The following ATRN variants were observed in gnomAD, a reference collection of about 807,000 sequenced individuals.
ATRN encodes the protein attractin-2.
In ATRN, 54 loss-of-function variants were observed where a neutral mutation model predicts 178.7. The ratio of observed to expected loss-of-function variants is 0.30; its 90% confidence interval spans 0.24 to 0.38. The LOEUF (loss-of-function observed/expected upper bound fraction) is 0.38. Ranked by LOEUF, ATRN falls within the 10% of genes least tolerant of loss-of-function variation. The pLI is 1.00. For synonymous variants in ATRN, 636 were observed against 663.0 expected (o/e 0.96, Z 0.63); for missense variants, 1,443 against 1,815.1 (o/e 0.79, Z 3.73).
At chr20:3,613,433 A>G (rs1423550686) in intron 24 of ATRN, among the ~76,000 whole-genome samples, 6 of 152,028 alleles carry the variant, frequency 3.9e-5, no homozygotes, top group East Asian at 1.9e-4. Context: ...TAAATACATC[A>G]TGTTCTCAAC....
Position 3,628,126 on chromosome 20 carries a change from C to T in ATRN, c.3863+3554C>T, listed in dbSNP as rs555151398. ...GGCAGAGCTTGCTGTGAGCCGAGAT[C>T]GCGCCACTGCACTCCAACCTGGGCA... On this transcript the variant is annotated intron_variant, in intron 25 of 28. Coordinates refer to ENST00000262919, the MANE Select transcript of ATRN (RefSeq NM_139321.3). Among the ~76,000 whole-genome samples, 175 of 152,226 alleles carry T rather than the reference C, an allele frequency of 1.1e-3. 2 individuals carry two copies. The Middle Eastern group carries it at 0.017, about 15-fold the overall frequency.
At chr20:3,611,755 A>G (rs1384182304) in intron 24 of ATRN, among the ~76,000 whole-genome samples, 1 of 152,186 alleles carries the variant, frequency 6.6e-6, no homozygotes, top group African/African-American at 2.4e-5. Flanking sequence ...ATAAAAATAA[A>G]ATAACCATTA....
intron 6 of ATRN, among the ~76,000 whole-genome samples, chr20:3,553,020 A>G (rs926809105): frequency 8.5e-5 from 13 of 152,172 alleles, no homozygotes; most frequent in Admixed American, 1.3e-4. Context: ...CTCCTAGGGG[A>G]GGGGATTGTA....
In ATRN at chr20:3,544,462, G is replaced by T. The variant is rs368844856; in HGVS notation, c.609-1300G>T. On this transcript the variant is annotated intron_variant, in intron 3 of 28. Transcript: ENST00000262919. ...AGGTTGTGTGTCTGGGACAGATTGC[G>T]TAGGGCCTGGCAAGGATATAGGCTT... 1.1e-4 allele frequency among the ~76,000 whole-genome samples: 17 copies of T among 152,222 alleles called. No homozygotes were observed. The East Asian group carries it at 2.3e-3, about 21-fold the overall frequency.
At chr20:3,538,064 G>T (rs542077825) in intron 2 of ATRN, among the ~76,000 whole-genome samples, 8 of 147,202 alleles carry the variant, frequency 5.4e-5, no homozygotes, top group African/African-American at 2.0e-4. Context: ...CCACTAACTC[G>T]TCATCTAGCA....
At chr20:3,615,502 CAA>C (rs1279855761) in intron 24 of ATRN, among the ~76,000 whole-genome samples, 1 of 150,684 alleles carries the variant, frequency 6.6e-6, no homozygotes, top group Non-Finnish European at 1.5e-5. Flanking sequence ...TAGTTTGAAA[CAA>C]AGAAAGACAC....
intron 19 of ATRN, among the ~76,000 whole-genome samples, chr20:3,593,278 A>G (rs1490182538): frequency 3.9e-5 from 6 of 152,308 alleles, no homozygotes; most frequent in Non-Finnish European, 5.9e-5. Context: ...CACGGTAGAA[A>G]GCGTGGTGTT....
At chr20:3,514,632 T>C (rs990166483) in intron 1 of ATRN, among the ~76,000 whole-genome samples, 5 of 152,234 alleles carry the variant, frequency 3.3e-5, no homozygotes, top group Non-Finnish European at 7.3e-5. Context: ...TTCAATACGT[T>C]AATGATAAAA....
chr20:3,473,825 A>G (rs1221411532), intron 1 of ATRN, among the ~76,000 whole-genome samples: 1 of 152,178 alleles, frequency 6.6e-6, no homozygotes, highest in East Asian at 1.9e-4. Context: ...GGGGGCAGCT[A>G]GGTGGGATCT....
intron 11 of ATRN, among the ~76,000 whole-genome samples, chr20:3,567,081 A>G (rs1184998053): frequency 1.3e-5 from 2 of 152,196 alleles, no homozygotes; most frequent in Admixed American, 1.3e-4. Context: ...TTTGACAGCT[A>G]GAGACTAAAA....
At chr20:3,512,952 G>A (rs1364101954) in intron 1 of ATRN, among the ~76,000 whole-genome samples, 5 of 152,090 alleles carry the variant, frequency 3.3e-5, no homozygotes, top group Non-Finnish European at 4.4e-5. Context: ...TTTTGATGGG[G>A]TTGTTTGTTT....
At chr20:3,489,172 G>A (rs1420205277) in intron 1 of ATRN, among the ~76,000 whole-genome samples, 2 of 152,166 alleles carry the variant, frequency 1.3e-5, no homozygotes, top group African/African-American at 4.8e-5. Flanking sequence ...TGTTGGCCAG[G>A]TTGGTCTTGA....
At chr20:3,503,703 A>G (rs2084995372) in intron 1 of ATRN, among the ~76,000 whole-genome samples, 1 of 152,164 alleles carries the variant, frequency 6.6e-6, no homozygotes, top group Non-Finnish European at 1.5e-5. Context: ...AACTGCAAAA[A>G]AAATGACTTG....
intron 24 of ATRN, among the ~76,000 whole-genome samples, chr20:3,617,539 C>G (rs62206515): frequency 9.5e-4 from 145 of 152,204 alleles, no homozygotes; most frequent in Non-Finnish European, 1.7e-3. Context: ...GAAAAAGAAG[C>G]TGAGCATGGT....
chr20:3,570,708 A>G (rs1206103907), intron 11 of ATRN, among the ~76,000 whole-genome samples: 2 of 152,200 alleles, frequency 1.3e-5, no homozygotes, highest in Non-Finnish European at 2.9e-5. Flanking sequence ...TCTTCCCAGT[A>G]TAACAAGATC....
chr20:3,519,335 G>GT (rs59375633), intron 1 of ATRN, among the ~76,000 whole-genome samples: 24,227 of 152,112 alleles, frequency 0.16, 3,106 homozygotes, highest in East Asian at 0.56. Flanking sequence ...ATCCATGTGA[G>GT]ACTGGCTTTC....
intron 23 of ATRN, among the ~76,000 whole-genome samples, chr20:3,602,768 A>G (rs778276940): frequency 2.1e-4 from 32 of 152,064 alleles, no homozygotes; most frequent in Non-Finnish European, 3.5e-4. Flanking sequence ...GTTCAAGACC[A>G]GCCTGACCAA....
intron 13 of ATRN, 94 bp from the exon 14 acceptor site, chr20:3,576,765 C>G: frequency 7.8e-7 from 1 of 1,286,500 alleles, no homozygotes; most frequent in East Asian, 2.5e-5. Flanking sequence ...TTTGCTTCCT[C>G]AATTAGATTT....
chr20:3,549,897 C>T (rs1474852133), intron 6 of ATRN, among the ~76,000 whole-genome samples: 1 of 152,130 alleles, frequency 6.6e-6, no homozygotes, highest in Non-Finnish European at 1.5e-5. Context: ...TGTCAAAAAA[C>T]CCAGCATCTG....
Sources: gnomAD v4.1 joint callset for allele counts (sites outside exome capture counted in the v4.1 genomes callset) on GRCh38, gnomAD v4.1.1 for gene constraint, MANE v1.5 for transcripts, NCBI Gene and HGNC (gene_info 2026-07-23, HGNC 2026-07-21) for gene names.